The following ABHD3 variants were observed in gnomAD, a reference collection of about 807,000 sequenced individuals.
ABHD3 encodes phospholipase ABHD3.
ABHD3 carries 46 observed loss-of-function variants against 48.8 expected under a neutral mutation model. That is an observed-to-expected ratio of 0.94 (90% CI 0.74 to 1.20). The LOEUF (loss-of-function observed/expected upper bound fraction) is 1.20. Ranked by LOEUF, ABHD3 falls within the 50% of genes most tolerant of loss-of-function variation. ABHD3 has a pLI of 0.00. For synonymous variants in ABHD3, 192 were observed against 183.7 expected (o/e 1.04, Z -0.36); for missense variants, 490 against 497.8 (o/e 0.98, Z 0.15).
rs750420770 is a variant in ABHD3 at position 21,656,978 on chromosome 18, C to G, written c.940G>C (p.Gly314Arg). Reference protein sequence around the residue: ...FDKRFTSVMFGYQTIDDYYTD... With the variant: ...FDKRFTSVMFRYQTIDDYYTD... ...TAATAATCATCAATTGTTTGGTATC[C>G]AAACATGACTGAAGTGAATCGCTTA... is the stretch of plus-strand genomic sequence containing the variant. The change falls in exon 8 of 9, where the codon GGA (glycine) becomes CGA (arginine). Residue 314 changes from glycine (G) to arginine (R), a missense_variant. Transcript: ENST00000289119. 1 of 1,614,008 alleles carries G rather than the reference C, an allele frequency of 6.2e-7. No homozygotes were observed. Among genetic ancestry groups the G allele is most frequent in the Non-Finnish European group, 8.5e-7 (1 of 1,179,998 alleles).
rs1598503893 is a variant in ABHD3 at position 21,653,077 on chromosome 18, A to AAAAG, written c.1058-1318_1058-1315dup. ...CAAAAAAAAAAAAAAAAAAAAAAAA[A>AAAAG]AAAGAGCTGGGTGTGGTGGCTCACG... On this transcript the variant is annotated intron_variant, in intron 8 of 8. Coordinates refer to ENST00000289119, the MANE Select transcript of ABHD3 (RefSeq NM_138340.5). 5.6e-4 allele frequency among the ~76,000 whole-genome samples: 43 copies of AAAAG among 76,150 alleles called. 11 individuals are homozygous for AAAAG. The highest frequency in any genetic ancestry group is 1.4e-3 in the South Asian group (3 of 2,098). 50.0% of individuals were successfully genotyped at this position (76,150 alleles called of 152,430 possible). A position where few individuals can be genotyped will look rare whatever the true frequency, so the allele number is the denominator to read the frequency against.
chr18:21,699,590 T>G (rs2040460960), intron 3 of ABHD3, among the ~76,000 whole-genome samples: 1 of 152,240 alleles, frequency 6.6e-6, no homozygotes, highest in African/African-American at 2.4e-5. Context: ...ACTTTGACTC[T>G]GGGCTGATCA....
chr18:21,687,365 C>T (rs1176006792), intron 3 of ABHD3, among the ~76,000 whole-genome samples: 16 of 145,264 alleles, frequency 1.1e-4, no homozygotes, highest in East Asian at 4.1e-4. Flanking sequence ...CCTACCACCA[C>T]GCCAGGCTAA....
chr18:21,656,425 C>G (rs567481146), intron 8 of ABHD3, among the ~76,000 whole-genome samples: 1 of 152,256 alleles, frequency 6.6e-6, no homozygotes, highest in East Asian at 1.9e-4. Flanking sequence ...ATATGCTTCA[C>G]TAATTGAGAT....
intron 1 of ABHD3, 157 bp from the exon 2 acceptor site, chr18:21,703,904 G>A: frequency 2.8e-6 from 2 of 724,654 alleles, no homozygotes; most frequent in Non-Finnish European, 2.2e-6. Context: ...ACAGAGGACT[G>A]AAACGGGGGT....
At chr18:21,700,464 T>G (rs1264287285) in intron 3 of ABHD3, among the ~76,000 whole-genome samples, 2 of 151,202 alleles carry the variant, frequency 1.3e-5, no homozygotes, top group Non-Finnish European at 2.9e-5. Context: ...AATGGCACAA[T>G]CTTGGCTCAC....
chr18:21,688,159 T>G (rs565845409), intron 3 of ABHD3, among the ~76,000 whole-genome samples: 1 of 152,238 alleles, frequency 6.6e-6, no homozygotes, highest in East Asian at 1.9e-4. Flanking sequence ...ACAAAAAAAG[T>G]AGCAGACTCT....
intron 7 of ABHD3, 37 bp downstream of exon 7, chr18:21,657,067 G>A (rs2039368584): frequency 6.8e-6 from 11 of 1,613,828 alleles, no homozygotes; most frequent in Non-Finnish European, 9.3e-6. Context: ...TTGCCCAAAA[G>A]AAGAAATAAA....
intron 3 of ABHD3, among the ~76,000 whole-genome samples, chr18:21,696,301 G>A (rs1280820205): frequency 2.0e-5 from 3 of 151,906 alleles, no homozygotes; most frequent in East Asian, 3.9e-4. Context: ...CTGCCAACAC[G>A]CCCGGCTAGT....
chr18:21,652,421 G>C (rs1311744381), intron 8 of ABHD3, among the ~76,000 whole-genome samples: 1 of 150,864 alleles, frequency 6.6e-6, no homozygotes, highest in African/African-American at 2.4e-5. Flanking sequence ...AAGACAAAAA[G>C]AAGAAAAAGA....
At position 21,664,134 on chromosome 18, in the gene ABHD3, C is replaced by T. The variant is rs777502367; in HGVS notation, c.652G>A (p.Gly218Arg). The change falls in exon 5 of 9, where the codon GGG (glycine) becomes AGG (arginine). Residue 218 changes from glycine to arginine, a missense_variant. Gly to Arg is a moderately radical substitution (Grantham distance 125, BLOSUM62 -2). Transcript: ENST00000289119. ...AAACCTTACCCTCCCATTGAAACCCCTGCTGCCAGGAAAGGAGCAGAAGGG... is the reference window on the plus strand; with the variant it reads ...AAACCTTACCCTCCCATTGAAACCCTTGCTGCCAGGAAAGGAGCAGAAGGG... ...LYPSAPFLAA[G>R]VSMGGMLLLN... 6.2e-7 allele frequency: 1 copy of T among 1,610,924 alleles called. No homozygotes were observed. The highest frequency in any genetic ancestry group is 1.1e-5 in the South Asian group (1 of 89,952).
At chr18:21,666,157 C>T (rs1171845759) in intron 4 of ABHD3, among the ~76,000 whole-genome samples, 1 of 152,052 alleles carries the variant, frequency 6.6e-6, no homozygotes, top group Non-Finnish European at 1.5e-5. Flanking sequence ...CCTTAGCTTC[C>T]TGAGTAGCTG....
intron 3 of ABHD3, among the ~76,000 whole-genome samples, chr18:21,687,985 G>A (rs546125915): frequency 2.4e-4 from 37 of 152,314 alleles, no homozygotes; most frequent in Admixed American, 1.2e-3. Flanking sequence ...TGTTCCCTGG[G>A]GGAAAAACGG....
At chr18:21,697,745 A>T (rs1025238839) in intron 3 of ABHD3, among the ~76,000 whole-genome samples, 1 of 152,204 alleles carries the variant, frequency 6.6e-6, no homozygotes, top group Admixed American at 6.5e-5. Context: ...AACAAACTTA[A>T]GCCTAGTTTC....
At chr18:21,658,838 G>GTTT (rs564228924) in intron 6 of ABHD3, among the ~76,000 whole-genome samples, 11 of 136,646 alleles carry the variant, frequency 8.1e-5, no homozygotes, top group African/African-American at 8.0e-5. Context: ...GGAGACAATA[G>GTTT]TTTTTTTTTT....
At chr18:21,663,745 GA>G in intron 5 of ABHD3, 2 of 1,535,540 alleles carry the variant, frequency 1.3e-6, no homozygotes, top group Non-Finnish European at 1.7e-6. Context: ...TCTGTAACTG[GA>G]GTGATGAAAG....
intron 4 of ABHD3, among the ~76,000 whole-genome samples, chr18:21,674,745 C>T (rs1393902616): frequency 6.6e-6 from 1 of 152,052 alleles, no homozygotes; most frequent in Non-Finnish European, 1.5e-5. Flanking sequence ...TTGGGTGCAA[C>T]AATATGTCCA....
chr18:21,668,397 ATTC>A (rs1205496400), intron 4 of ABHD3, among the ~76,000 whole-genome samples: 2 of 151,954 alleles, frequency 1.3e-5, no homozygotes, highest in Non-Finnish European at 2.9e-5. Context: ...CCCAATATAT[ATTC>A]TTATTATATA....
At chr18:21,683,232 T>C (rs1431847514) in intron 4 of ABHD3, among the ~76,000 whole-genome samples, 1 of 152,196 alleles carries the variant, frequency 6.6e-6, no homozygotes, top group Non-Finnish European at 1.5e-5. Context: ...AAGTGGAATA[T>C]TTCTCATTCC....
Sources: gnomAD v4.1 joint callset for allele counts (sites outside exome capture counted in the v4.1 genomes callset) on GRCh38, gnomAD v4.1.1 for gene constraint, MANE v1.5 for transcripts, NCBI Gene and HGNC (gene_info 2026-07-23, HGNC 2026-07-21) for gene names.